Variants in GREB1L observed in about 807,000 individuals in gnomAD.
GREB1L encodes the protein GREB1-like protein.
Under a neutral mutation model 200.8 loss-of-function variants are expected in GREB1L, and 17 were observed. The ratio of observed to expected loss-of-function variants is 0.08; its 90% confidence interval spans 0.06 to 0.13. The LOEUF (loss-of-function observed/expected upper bound fraction) is 0.13. Ranked by LOEUF, GREB1L falls within the 10% of genes least tolerant of loss-of-function variation. The pLI, the probability that GREB1L is intolerant of heterozygous loss-of-function variation, is 1.00. For missense variants in GREB1L, 1,657 were observed against 2,367.7 expected, an observed-to-expected ratio of 0.70 and a Z score of 6.23; for synonymous variants, 789 against 893.0, an observed-to-expected ratio of 0.88 and a Z score of 2.08.
rs1598730790 is a variant in GREB1L, at chr18:21,383,436, T to C, written c.-9-74T>C. The C allele has an allele frequency of 6.3e-6, 7 of 1,119,264 alleles. No individual in the cohort carries two copies. In the East Asian group the frequency reaches 1.9e-4, roughly 30 times the overall value. 69.3% of individuals were successfully genotyped at this position (1,119,264 alleles called of 1,614,324 possible). ...ATATGGACATAGTTTAAATTAGCTCTACCTGTACTTTGAGACATAGAACCT... is the reference window on the plus strand; with the variant it reads ...ATATGGACATAGTTTAAATTAGCTCCACCTGTACTTTGAGACATAGAACCT... On this transcript the variant is annotated intron_variant, in intron 2 of 32. Coordinates refer to ENST00000424526, the MANE Select transcript of GREB1L (RefSeq NM_001142966.3).
chr18:21,372,147 TCTC>T (rs1469614498), intron 2 of GREB1L, among the ~76,000 whole-genome samples: 3 of 147,942 alleles, frequency 2.0e-5, no homozygotes, highest in African/African-American at 7.8e-5. Context: ...CAAATTTGTC[TCTC>T]TTTTTTTTTT....
At chr18:21,502,350 A>G (rs1306088757) in intron 23 of GREB1L, among the ~76,000 whole-genome samples, 3 of 152,094 alleles carry the variant, frequency 2.0e-5, no homozygotes, top group African/African-American at 7.2e-5. Context: ...GTGGGGAGGA[A>G]GTAGAGGCAA....
At chr18:21,331,094 G>T (rs1017147450) in intron 1 of GREB1L, among the ~76,000 whole-genome samples, 1 of 152,144 alleles carries the variant, frequency 6.6e-6, no homozygotes, top group Admixed American at 6.5e-5. Flanking sequence ...CTTGTCATTA[G>T]CAAACTTCAC....
intron 1 of GREB1L, among the ~76,000 whole-genome samples, chr18:21,299,708 C>A (rs1240713313): frequency 6.6e-6 from 1 of 152,132 alleles, no homozygotes; most frequent in African/African-American, 2.4e-5. Flanking sequence ...AATGCTTTAA[C>A]AATTTCACTT....
chr18:21,488,677 G>C (rs1385176880), intron 18 of GREB1L, among the ~76,000 whole-genome samples: 1 of 152,122 alleles, frequency 6.6e-6, no homozygotes, highest in Admixed American at 6.6e-5. Flanking sequence ...ATATTTTTAA[G>C]ACAGACTCTC....
chr18:21,436,737 G>T (rs2033569898), intron 7 of GREB1L, among the ~76,000 whole-genome samples: 1 of 149,454 alleles, frequency 6.7e-6, no homozygotes, highest in African/African-American at 2.5e-5. Context: ...CTGAAACAGG[G>T]TATCTCTCTG....
intron 12 of GREB1L, among the ~76,000 whole-genome samples, chr18:21,450,397 C>CTCT (rs2034462528): frequency 6.6e-6 from 1 of 152,150 alleles, no homozygotes; most frequent in Non-Finnish European, 1.5e-5. Context: ...TTTTGCTTCT[C>CTCT]TCTTCTCTGT....
At chr18:21,411,672 C>A (rs1289856189) in intron 7 of GREB1L, among the ~76,000 whole-genome samples, 1 of 152,102 alleles carries the variant, frequency 6.6e-6, no homozygotes, top group Non-Finnish European at 1.5e-5. Context: ...TATATGTGCA[C>A]CAAGAGGTAT....
At chr18:21,519,070 G>A (rs2037523917) in intron 31 of GREB1L, among the ~76,000 whole-genome samples, 1 of 152,112 alleles carries the variant, frequency 6.6e-6, no homozygotes, top group South Asian at 2.1e-4. Context: ...ATTTCACAGT[G>A]TAAACATTTT....
intron 19 of GREB1L, among the ~76,000 whole-genome samples, chr18:21,493,865 CAAAAAAAAAAAAAA>C (rs35758360): frequency 5.2e-5 from 2 of 38,506 alleles, no homozygotes; most frequent in African/African-American, 2.5e-4. Context: ...GACCCTGTCT[CAAAAAAAAAAAAAA>C]AAAAAAAAAA....
chr18:21,416,792 G>A (rs1351982043), intron 7 of GREB1L, among the ~76,000 whole-genome samples: 2 of 151,910 alleles, frequency 1.3e-5, no homozygotes, highest in Non-Finnish European at 1.5e-5. Flanking sequence ...TTGGGAGGCC[G>A]AGATGGGCAG....
intron 20 of GREB1L, 49 bp downstream of exon 20, chr18:21,495,834 C>A: frequency 2.8e-6 from 3 of 1,052,692 alleles, no homozygotes; most frequent in Non-Finnish European, 4.2e-6. Context: ...CCCAGCTGAA[C>A]TGATGATTAA....
At chr18:21,315,288 A>G (rs1420224387) in intron 1 of GREB1L, among the ~76,000 whole-genome samples, 1 of 152,068 alleles carries the variant, frequency 6.6e-6, no homozygotes, top group African/African-American at 2.4e-5. Flanking sequence ...ATGGGGTTTC[A>G]CTATGTTGCG....
At chr18:21,351,608 T>G (rs1203175314) in intron 1 of GREB1L, among the ~76,000 whole-genome samples, 1 of 150,762 alleles carries the variant, frequency 6.6e-6, no homozygotes, top group East Asian at 1.9e-4. Context: ...GGATATGGGC[T>G]TGTTATTGTT....
At chr18:21,429,807 C>A (rs534551369) in intron 7 of GREB1L, among the ~76,000 whole-genome samples, 1 of 152,224 alleles carries the variant, frequency 6.6e-6, no homozygotes, top group Admixed American at 6.5e-5. Flanking sequence ...AATCTAATTA[C>A]CTAATTAGAT....
chr18:21,317,315 T>A (rs2038886456), intron 1 of GREB1L: 1 of 152,098 alleles, frequency 6.6e-6, no homozygotes, highest in South Asian at 2.1e-4. Context: ...AGTTTGTGAT[T>A]GTAGGCCTGG....
At chr18:21,415,154 C>T (rs527311974) in intron 7 of GREB1L, among the ~76,000 whole-genome samples, 20 of 152,226 alleles carry the variant, frequency 1.3e-4, no homozygotes, top group African/African-American at 4.1e-4. Flanking sequence ...CAAAGAGTCC[C>T]TCAAATGTTC....
At chr18:21,521,973 C>T (rs1253566306) in intron 32 of GREB1L, among the ~76,000 whole-genome samples, 4 of 117,106 alleles carry the variant, frequency 3.4e-5, no homozygotes, top group African/African-American at 1.0e-4. Flanking sequence ...TACTGCACTC[C>T]AGCCTGGGCA....
chr18:21,380,171 G>A (rs1461074255), intron 2 of GREB1L: 4 of 152,034 alleles, frequency 2.6e-5, no homozygotes, highest in Non-Finnish European at 4.4e-5. Flanking sequence ...GGAAATCATC[G>A]CATACTACGC....
Sources: gnomAD v4.1 joint callset for allele counts (sites outside exome capture counted in the v4.1 genomes callset) on GRCh38, gnomAD v4.1.1 for gene constraint, MANE v1.5 for transcripts, NCBI Gene and HGNC (gene_info 2026-07-23, HGNC 2026-07-21) for gene names.